ZRANB3: variants seen among roughly 807,000 people sequenced by gnomAD.
The protein encoded by ZRANB3 is DNA annealing helicase and endonuclease ZRANB3.
A neutral mutation model predicts 133.8 loss-of-function variants in ZRANB3; 125 were observed. The observed-to-expected ratio is 0.93, with a 90% CI of 0.81 to 1.08. The LOEUF is 1.08. Ranked by LOEUF, ZRANB3 falls within the 50% of genes least tolerant of loss-of-function variation. ZRANB3 has a pLI of 0.00. For synonymous variants in ZRANB3, 387 were observed against 432.7 expected (o/e 0.89, Z 1.31); for missense variants, 1,229 against 1,275.5 (o/e 0.96, Z 0.56).
rs573089403 is a variant in ZRANB3 at position 135,419,099 on chromosome 2, G to A, written c.162-28279C>T. On this transcript the variant is annotated intron_variant, in intron 2 of 20. Coordinates refer to ENST00000264159, the MANE Select transcript of ZRANB3 (RefSeq NM_032143.4). ...ACTACAGGCACCCACCACCACGTCC[G>A]GCTAATTTTTTGTATTTTTAGTAGA... Among the ~76,000 whole-genome samples, 6 of 151,126 alleles carry A rather than the reference G, an allele frequency of 4.0e-5. No homozygotes were observed. In the East Asian group the frequency reaches 7.8e-4, roughly 20 times the overall value.
intron 2 of ZRANB3, among the ~76,000 whole-genome samples, chr2:135,407,731 C>T (rs1688107883): frequency 6.6e-6 from 1 of 151,282 alleles, no homozygotes; most frequent in African/African-American, 2.5e-5. Flanking sequence ...GAAAGGATTC[C>T]CTATTTAATA....
At chr2:135,209,931 CTA>C (rs1694028633) in intron 17 of ZRANB3, among the ~76,000 whole-genome samples, 1 of 151,984 alleles carries the variant, frequency 6.6e-6, no homozygotes, top group Non-Finnish European at 1.5e-5. Context: ...TTTTAATAAA[CTA>C]TTTTATTAAT....
At position 135,405,891 on chromosome 2, in the gene ZRANB3, T is replaced by G. The variant is rs182236625; in HGVS notation, c.162-15071A>C. On this transcript the variant is annotated intron_variant, in intron 2 of 20. Coordinates refer to ENST00000264159, the MANE Select transcript of ZRANB3 (RefSeq NM_032143.4). ...CAGGAAAGATCTAAAATTGACACCC[T>G]AACATCACAATTAAAAGAAGTAGAG... Among the ~76,000 whole-genome samples, 68 of 152,206 alleles carry G rather than the reference T, an allele frequency of 4.5e-4. 1 individual carries two copies. The East Asian group carries it at 0.012, about 27-fold the overall frequency.
intron 2 of ZRANB3, among the ~76,000 whole-genome samples, chr2:135,453,679 C>T (rs565774086): frequency 6.6e-6 from 1 of 152,208 alleles, no homozygotes; most frequent in Non-Finnish European, 1.5e-5. Flanking sequence ...AGTTCCTCAT[C>T]TCCATCTGAG....
intron 12 of ZRANB3, among the ~76,000 whole-genome samples, chr2:135,254,041 A>G (rs1195598218): frequency 1.3e-5 from 2 of 152,216 alleles, no homozygotes; most frequent in African/African-American, 4.8e-5. Flanking sequence ...GGTTACTGCT[A>G]AAGTTTTAGG....
intron 15 of ZRANB3, among the ~76,000 whole-genome samples, chr2:135,223,012 G>A (rs1330864936): frequency 6.6e-6 from 1 of 151,888 alleles, no homozygotes; most frequent in Non-Finnish European, 1.5e-5. Context: ...CCCGCACTTC[G>A]GGAGGCTGAG....
intron 6 of ZRANB3, among the ~76,000 whole-genome samples, chr2:135,342,313 T>C (rs1483548482): frequency 2.7e-5 from 4 of 149,934 alleles, no homozygotes; most frequent in Admixed American, 6.6e-5. Flanking sequence ...GCTGGGATTA[T>C]AGGCGTGAGC....
intron 8 of ZRANB3, among the ~76,000 whole-genome samples, chr2:135,298,278 CCTT>C (rs1431885420): frequency 6.6e-6 from 1 of 152,142 alleles, no homozygotes; most frequent in African/African-American, 2.4e-5. Flanking sequence ...TCTGATGCCT[CCTT>C]GAGTAGCTTA....
chr2:135,206,751 G>A (rs1466397108), intron 19 of ZRANB3, among the ~76,000 whole-genome samples: 4 of 149,752 alleles, frequency 2.7e-5, no homozygotes, highest in Admixed American at 2.0e-4. Context: ...AGAGGGAGGG[G>A]GGAACAGGGG....
rs112252926 is a variant in ZRANB3 at position 135,400,097 on chromosome 2, G to A, written c.162-9277C>T. On this transcript the variant is annotated intron_variant, in intron 2 of 20. Transcript: ENST00000264159. ...TCTACTGAGAGTACAAAAATTAGCC[G>A]AGCGTGGAAGCGGGCTCCTATAATC... Among the ~76,000 whole-genome samples the A allele has an allele frequency of 3.0e-3, 461 of 151,980 alleles. 3 individuals carry two copies. The highest frequency in any genetic ancestry group is 0.01 in the African/African-American group (427 of 41,482).
chr2:135,514,466 G>A lies in ZRANB3; in HGVS notation c.-7-9970C>T, dbSNP rs375973222. 2.7e-4 allele frequency among the ~76,000 whole-genome samples: 41 copies of A among 152,276 alleles called. 1 individual carries two copies. In the East Asian group the frequency reaches 7.9e-3, roughly 29 times the overall value. Reference sequence around the variant, plus strand: ...TGGTCTATTATTGGTGTATAAAAATGCTTGTGATTTTTGCATACTGATTTT... The same window carrying A: ...TGGTCTATTATTGGTGTATAAAAATACTTGTGATTTTTGCATACTGATTTT... On this transcript the variant is annotated intron_variant, in intron 1 of 20. Transcript: ENST00000264159.
At chr2:135,326,673 G>T (rs966515907) in intron 6 of ZRANB3, among the ~76,000 whole-genome samples, 1 of 151,698 alleles carries the variant, frequency 6.6e-6, no homozygotes, top group East Asian at 1.9e-4. Context: ...AGGCTGAGGC[G>T]GGCAGATCAT....
chr2:135,200,984 G>A (rs545551207), intron 20 of ZRANB3, among the ~76,000 whole-genome samples: 66 of 152,082 alleles, frequency 4.3e-4, no homozygotes, highest in African/African-American at 1.4e-3. Context: ...TCGAACTCCT[G>A]ACCTCAAGTG....
At chr2:135,245,926 C>CAAAAAAAA (rs1177438717) in intron 12 of ZRANB3, among the ~76,000 whole-genome samples, 646 of 19,528 alleles carry the variant, frequency 0.033, 163 homozygotes, top group African/African-American at 0.14. Context: ...AACTCCGTCT[C>CAAAAAAAA]AAAAAAAAAA....
intron 2 of ZRANB3, among the ~76,000 whole-genome samples, chr2:135,402,684 T>A (rs1263410478): frequency 1.3e-5 from 2 of 151,710 alleles, no homozygotes; most frequent in African/African-American, 4.8e-5. Context: ...CCTCCTGGGT[T>A]CAAGCGATTC....
At chr2:135,321,244 G>T (rs1254616587) in intron 6 of ZRANB3, among the ~76,000 whole-genome samples, 4 of 152,164 alleles carry the variant, frequency 2.6e-5, no homozygotes, top group African/African-American at 9.7e-5. Flanking sequence ...ATTCCCAGCA[G>T]CAATGTAAGC....
intron 19 of ZRANB3, 127 bp from the exon 20 acceptor site, chr2:135,203,090 T>C (rs941127198): frequency 1.8e-6 from 2 of 1,084,812 alleles, no homozygotes; most frequent in Non-Finnish European, 2.6e-6. Context: ...AGGAGAGCTT[T>C]TTATAGCTTT....
At chr2:135,510,701 G>A (rs886494867) in intron 1 of ZRANB3, 12 of 797,782 alleles carry the variant, frequency 1.5e-5, no homozygotes, top group African/African-American at 8.4e-5. Context: ...CTGGCAGCTC[G>A]AGTCTTCTTC....
chr2:135,360,934 G>GGTTTGTTT (rs148805971), intron 3 of ZRANB3, among the ~76,000 whole-genome samples: 1 of 149,762 alleles, frequency 6.7e-6, no homozygotes. Flanking sequence ...GCCTGTTTTT[G>GGTTTGTTT]GTTTGTTTGT....
Sources: gnomAD v4.1 joint callset for allele counts (sites outside exome capture counted in the v4.1 genomes callset) on GRCh38, gnomAD v4.1.1 for gene constraint, MANE v1.5 for transcripts, NCBI Gene and HGNC (gene_info 2026-07-23, HGNC 2026-07-21) for gene names.